Variants in HSPA12A observed in about 807,000 individuals in gnomAD.
HSPA12A encodes heat shock protein family A (Hsp70) member 12A.
HSPA12A carries 28 observed loss-of-function variants against 69.2 expected under a neutral mutation model. That is an observed-to-expected ratio of 0.40 (90% CI 0.30 to 0.55). The LOEUF (loss-of-function observed/expected upper bound fraction) is 0.55, where lower values mean the gene tolerates loss of function less well. HSPA12A is among the 20% of genes least tolerant of loss of function. The pLI is 0.38. For missense variants in HSPA12A, 686 were observed against 900.7 expected (o/e 0.76, Z 3.05); for synonymous variants, 345 against 370.5 (o/e 0.93, Z 0.79).
At chr10:116,830,865 A>AT (rs1845601096) in intron 2 of HSPA12A, 1 of 152,420 alleles carries the variant, frequency 6.6e-6, no homozygotes, top group African/African-American at 2.4e-5. Context: ...TATATATATA[A>AT]AGAGCAAGAG....
At chr10:116,749,326 G>A (rs1554888084) in intron 2 of HSPA12A, among the ~76,000 whole-genome samples, 1 of 152,176 alleles carries the variant, frequency 6.6e-6, no homozygotes, top group Non-Finnish European at 1.5e-5. Flanking sequence ...GCTATGTGCT[G>A]GGCATTGCTC....
chr10:116,731,286 G>A (rs1440082690), intron 1 of HSPA12A, among the ~76,000 whole-genome samples: 1 of 152,240 alleles, frequency 6.6e-6, no homozygotes, highest in Non-Finnish European at 1.5e-5. Flanking sequence ...CCTTTACAGT[G>A]AGGATCCAGG....
At chr10:116,834,921 A>T in intron 2 of HSPA12A, 1 of 1,217,254 alleles carries the variant, frequency 8.2e-7, no homozygotes, top group Non-Finnish European at 1.0e-6. Context: ...TACACACATT[A>T]GTTAATTTCC....
At chr10:116,697,240 T>C (rs1452528702) in intron 5 of HSPA12A, among the ~76,000 whole-genome samples, 2 of 152,212 alleles carry the variant, frequency 1.3e-5, no homozygotes, top group African/African-American at 4.8e-5. Context: ...CCAAATCTTT[T>C]TGGATAAAGC....
chr10:116,760,079 C>T (rs1843936308), intron 2 of HSPA12A, among the ~76,000 whole-genome samples: 1 of 152,086 alleles, frequency 6.6e-6, no homozygotes, highest in Non-Finnish European at 1.5e-5. Context: ...CAGTGCTTAC[C>T]CAGGATCCAC....
chr10:116,743,975 T>C (rs112133224), upstream of HSPA12A, among the ~76,000 whole-genome samples: 6 of 152,338 alleles, frequency 3.9e-5, no homozygotes, highest in African/African-American at 1.4e-4. Context: ...TGTAACATGC[T>C]TAGCTTGGGA....
At chr10:116,749,685 C>T (rs1054181512) in intron 2 of HSPA12A, among the ~76,000 whole-genome samples, 1 of 152,190 alleles carries the variant, frequency 6.6e-6, no homozygotes, top group Admixed American at 6.5e-5. Flanking sequence ...TCTCTCCTCT[C>T]GCTTGACTCA....
chr10:116,697,798 T>C (rs2420327), intron 5 of HSPA12A, among the ~76,000 whole-genome samples: 79,907 of 151,636 alleles, frequency 0.53, 21,430 homozygotes, highest in Middle Eastern at 0.66. Context: ...TCATCACTCC[T>C]CAAAGAAACT....
intron 1 of HSPA12A, among the ~76,000 whole-genome samples, chr10:116,733,277 T>C (rs1851217375): frequency 6.6e-6 from 1 of 152,110 alleles, no homozygotes; most frequent in African/African-American, 2.4e-5. Flanking sequence ...CCAGAGGAGT[T>C]TAGCCTTCAG....
At chr10:116,836,768 A>AACATACACACACACACACAC (rs778091882) in intron 1 of HSPA12A, among the ~76,000 whole-genome samples, 1 of 146,514 alleles carries the variant, frequency 6.8e-6, no homozygotes, top group African/African-American at 2.5e-5. Context: ...AAACGAACCG[A>AACATACACACACACACACAC]ACACACACAC....
intron 2 of HSPA12A, among the ~76,000 whole-genome samples, chr10:116,777,486 G>A (rs1327710680): frequency 6.6e-6 from 1 of 152,144 alleles, no homozygotes; most frequent in Non-Finnish European, 1.5e-5. Flanking sequence ...CTCACACCCA[G>A]TTCCCAAGAG....
At chr10:116,818,032 C>A (rs1206398005) in intron 2 of HSPA12A, among the ~76,000 whole-genome samples, 3 of 152,180 alleles carry the variant, frequency 2.0e-5, no homozygotes, top group Non-Finnish European at 2.9e-5. Context: ...TAGGAGTGAT[C>A]GTTTCTCACC....
At chr10:116,719,576 T>A (rs539219574) in intron 1 of HSPA12A, among the ~76,000 whole-genome samples, 30 of 152,348 alleles carry the variant, frequency 2.0e-4, no homozygotes, top group African/African-American at 7.2e-4. Flanking sequence ...AGTTATGCAA[T>A]CTTGAACAAA....
In HSPA12A at chr10:116,787,101, G is replaced by A. The variant is rs1044326038; in HGVS notation, c.91+47834C>T. Among the ~76,000 whole-genome samples the A allele has an allele frequency of 8.2e-4, 125 of 151,994 alleles. 1 individual carries two copies. Among genetic ancestry groups the A allele is most frequent in the African/African-American group, 2.9e-3 (122 of 41,430 alleles). On this transcript the variant is annotated intron_variant, in intron 2 of 12. Transcript: ENST00000635765. ...GTTGGCATATTTAGAAAGCTCCCCA[G>A]GTCATTCTGACTGCAGTCAAGATTG...
intron 2 of HSPA12A, among the ~76,000 whole-genome samples, chr10:116,765,869 C>T (rs1275512585): frequency 1.3e-5 from 2 of 152,164 alleles, no homozygotes; most frequent in Admixed American, 1.3e-4. Flanking sequence ...CACTTTTTGC[C>T]CAACAGGAAC....
chr10:116,677,430 A>G (rs1554877883), intron 10 of HSPA12A, among the ~76,000 whole-genome samples: 1 of 152,198 alleles, frequency 6.6e-6, no homozygotes, highest in African/African-American at 2.4e-5. Flanking sequence ...GCCAAAGGAC[A>G]ATGTGGTGTG....
At chr10:116,792,314 G>A (rs1359091963) in intron 2 of HSPA12A, among the ~76,000 whole-genome samples, 4 of 148,448 alleles carry the variant, frequency 2.7e-5, no homozygotes, top group Non-Finnish European at 4.5e-5. Context: ...TGGGAAATGT[G>A]AAAGGAGGTT....
chr10:116,764,991 G>T (rs1322529489), intron 2 of HSPA12A, among the ~76,000 whole-genome samples: 1 of 152,184 alleles, frequency 6.6e-6, no homozygotes, highest in Admixed American at 6.5e-5. Flanking sequence ...CTATTCTTTT[G>T]TGTAGTGAAG....
intron 1 of HSPA12A, among the ~76,000 whole-genome samples, chr10:116,721,403 G>A (rs951431537): frequency 7.2e-5 from 11 of 152,168 alleles, no homozygotes; most frequent in South Asian, 4.1e-4. Flanking sequence ...CACCCAGAGC[G>A]TCCCACCTGA....
Sources: gnomAD v4.1 joint callset for allele counts (sites outside exome capture counted in the v4.1 genomes callset) on GRCh38, gnomAD v4.1.1 for gene constraint, MANE v1.5 for transcripts, NCBI Gene and HGNC (gene_info 2026-07-23, HGNC 2026-07-21) for gene names.